JARID2: variants seen among roughly 807,000 people sequenced by gnomAD.
JARID2 encodes the protein jumonji and AT-rich interaction domain containing 2, also known as protein Jumonji.
JARID2 carries 21 observed loss-of-function variants against 125.6 expected under a neutral mutation model. The ratio of observed to expected loss-of-function variants is 0.17; its 90% confidence interval spans 0.12 to 0.24. The LOEUF (loss-of-function observed/expected upper bound fraction) is 0.24, where lower values mean the gene tolerates loss of function less well. JARID2 is among the 10% of genes least tolerant of loss of function. The pLI, the probability that JARID2 is intolerant of heterozygous loss-of-function variation, is 1.00. For missense variants in JARID2, 1,303 were observed against 1,639.6 expected (o/e 0.79, Z 3.55); for synonymous variants, 736 against 661.6 (o/e 1.11, Z -1.73).
At chr6:15,402,919 C>T (rs1274065873) in intron 2 of JARID2, among the ~76,000 whole-genome samples, 4 of 152,084 alleles carry the variant, frequency 2.6e-5, no homozygotes, top group Admixed American at 6.6e-5. Flanking sequence ...AGAGCAGTTA[C>T]GGCCTGGGAT....
intron 1 of JARID2, among the ~76,000 whole-genome samples, chr6:15,313,103 CT>C (rs1762069609): frequency 6.6e-6 from 1 of 152,156 alleles, no homozygotes; most frequent in South Asian, 2.1e-4. Context: ...GAATTCAGTG[CT>C]GTTAATGGAT....
chr6:15,285,843 A>G (rs553993986), intron 1 of JARID2, among the ~76,000 whole-genome samples: 3 of 152,310 alleles, frequency 2.0e-5, no homozygotes, highest in South Asian at 4.1e-4. Context: ...GGAATCTTGT[A>G]TAAAGGAATT....
At chr6:15,463,274 T>C (rs1768540480) in intron 4 of JARID2, among the ~76,000 whole-genome samples, 1 of 152,148 alleles carries the variant, frequency 6.6e-6, no homozygotes, top group African/African-American at 2.4e-5. Context: ...TTTTCTAAAA[T>C]GAGAGTTTGT....
At chr6:15,430,157 A>G (rs1330811121) in intron 3 of JARID2, among the ~76,000 whole-genome samples, 2 of 152,192 alleles carry the variant, frequency 1.3e-5, no homozygotes, top group Non-Finnish European at 2.9e-5. Context: ...TAATAAAATA[A>G]TGTCTTATAA....
At chr6:15,497,556 CAGG>C (rs1304950302) in intron 7 of JARID2, among the ~76,000 whole-genome samples, 5 of 150,594 alleles carry the variant, frequency 3.3e-5, no homozygotes, top group African/African-American at 1.2e-4. Context: ...GAGGCTGAGG[CAGG>C]AGAATGGCGT....
At chr6:15,347,013 T>A (rs982010311) in intron 1 of JARID2, among the ~76,000 whole-genome samples, 11 of 152,092 alleles carry the variant, frequency 7.2e-5, no homozygotes, top group African/African-American at 2.2e-4. Flanking sequence ...GGATTACAGG[T>A]GTGAGCCACC....
intron 1 of JARID2, among the ~76,000 whole-genome samples, chr6:15,339,488 C>G (rs1370484406): frequency 1.3e-5 from 2 of 151,668 alleles, no homozygotes; most frequent in East Asian, 3.9e-4. Flanking sequence ...CACCTCTTAA[C>G]TGCTAAAGAT....
intron 1 of JARID2, among the ~76,000 whole-genome samples, chr6:15,283,536 A>G (rs6900219): frequency 0.3 from 37,958 of 127,470 alleles, 6,460 homozygotes; most frequent in African/African-American, 0.52. Context: ...TAGAGACGGG[A>G]TTTCACCGTG....
rs774776652 is a variant in JARID2 at position 15,511,347 on chromosome 6, C to T, written c.2898C>T (p.Thr966=). ...ACAAGCTGGAAGATGTGGTCCACAC[C>T]CTGCTGCAAGCCAATGGCACCCCAG... is the stretch of plus-strand genomic sequence containing the variant. ...EENKLEDVVH[T]LLQANGTPGL... is the part of the protein sequence containing the mutation. Residue 966 remains threonine (T), a synonymous_variant, in exon 13 of 18, where the codon ACC becomes ACT. Coordinates refer to ENST00000341776, the MANE Select transcript of JARID2 (RefSeq NM_004973.4). The T allele has an allele frequency of 1.2e-6, 2 of 1,614,008 alleles. No homozygotes were observed. Among genetic ancestry groups the T allele is most frequent in the Non-Finnish European group, 8.5e-7 (1 of 1,179,994 alleles).
chr6:15,304,311 C>CA, intron 1 of JARID2, among the ~76,000 whole-genome samples: 1 of 68,196 alleles, frequency 1.5e-5, no homozygotes, highest in Non-Finnish European at 3.3e-5. Flanking sequence ...GATCCCCCCC[C>CA]CCCCCCCGCC....
intron 1 of JARID2, 105 bp from the exon 2 acceptor site, chr6:15,374,012 A>G (rs1764261522): frequency 1.5e-6 from 2 of 1,306,598 alleles, no homozygotes; most frequent in African/African-American, 2.9e-5. Context: ...GGTCGTGGTC[A>G]CACAGTACGT....
chr6:15,382,491 G>A (rs1193745774), intron 2 of JARID2, among the ~76,000 whole-genome samples: 1 of 152,172 alleles, frequency 6.6e-6, no homozygotes, highest in Non-Finnish European at 1.5e-5. Flanking sequence ...GGGACAAATG[G>A]CTGCAATGGC....
At chr6:15,430,785 G>C (rs1391579660) in intron 3 of JARID2, among the ~76,000 whole-genome samples, 3 of 152,164 alleles carry the variant, frequency 2.0e-5, no homozygotes, top group Admixed American at 6.6e-5. Context: ...TGAATGGTCT[G>C]TAGGGGCTGC....
At chr6:15,269,230 C>T (rs1049245106) in intron 1 of JARID2, among the ~76,000 whole-genome samples, 6 of 152,170 alleles carry the variant, frequency 3.9e-5, no homozygotes, top group African/African-American at 1.4e-4. Context: ...CCCTGTGCTC[C>T]ACCCTTAGTC....
At chr6:15,374,392 A>G in intron 2 of JARID2, 140 bp downstream of exon 2, 6 of 794,696 alleles carry the variant, frequency 7.6e-6, no homozygotes, top group Non-Finnish European at 1.2e-5. Flanking sequence ...GTGAATCTGC[A>G]CTGCAGACAT....
intron 1 of JARID2, among the ~76,000 whole-genome samples, chr6:15,266,916 G>A (rs1282689244): frequency 6.6e-6 from 1 of 152,168 alleles, no homozygotes; most frequent in Non-Finnish European, 1.5e-5. Context: ...GGATCACCAG[G>A]CCGTGGTTTA....
Position 15,375,218 on chromosome 6 carries a change from T to C in JARID2, c.181+966T>C, listed in dbSNP as rs75586366. Reference sequence around the variant, plus strand: ...ACAGGCACTAGTGCACAGCAGTACCTGTTGCTGCTCTGTTTCTATGGGGCA... The same window carrying C: ...ACAGGCACTAGTGCACAGCAGTACCCGTTGCTGCTCTGTTTCTATGGGGCA... On this transcript the variant is annotated intron_variant, in intron 2 of 17. Coordinates refer to ENST00000341776, the MANE Select transcript of JARID2 (RefSeq NM_004973.4). Among the ~76,000 whole-genome samples, 1,138 of 152,310 alleles carry C rather than the reference T, an allele frequency of 7.5e-3. 15 individuals carry two copies. The highest frequency in any genetic ancestry group is 0.026 in the African/African-American group (1,079 of 41,566).
chr6:15,407,646 C>G (rs1344128835), intron 2 of JARID2, among the ~76,000 whole-genome samples: 1 of 152,164 alleles, frequency 6.6e-6, no homozygotes, highest in Non-Finnish European at 1.5e-5. Flanking sequence ...TTGTCCTCTT[C>G]GTCCATCACC....
At chr6:15,511,044 CATA>C (rs1771254002) in intron 12 of JARID2, among the ~76,000 whole-genome samples, 1 of 152,224 alleles carries the variant, frequency 6.6e-6, no homozygotes, top group Admixed American at 6.5e-5. Context: ...GTCAGATCTC[CATA>C]AAAGATGAGC....
Sources: gnomAD v4.1 joint callset for allele counts (sites outside exome capture counted in the v4.1 genomes callset) on GRCh38, gnomAD v4.1.1 for gene constraint, MANE v1.5 for transcripts, NCBI Gene and HGNC (gene_info 2026-07-23, HGNC 2026-07-21) for gene names.